The following AMMECR1 variants were observed in gnomAD, a reference collection of about 807,000 sequenced individuals.
AMMECR1 encodes AMMECR nuclear protein 1.
Under a neutral mutation model 22.5 loss-of-function variants are expected in AMMECR1, and 3 were observed. The observed-to-expected ratio is 0.13, with a 90% confidence interval of 0.06 to 0.35. The LOEUF is 0.35. Among genes scored for constraint, AMMECR1 ranks in the 10% least tolerant of loss-of-function variants. AMMECR1 has a pLI of 1.00. For synonymous variants in AMMECR1, 130 were observed against 116.7 expected (o/e 1.11, Z -0.74); for missense variants, 235 against 278.7 (o/e 0.84, Z 1.12).
chrX:110,332,235 C>T (rs757525858), intron 2 of AMMECR1, among the ~76,000 whole-genome samples: 18 of 111,878 alleles, frequency 1.6e-4, no homozygotes, highest in African/African-American at 5.8e-4. Flanking sequence ...TAATTTTTTT[C>T]ATATTCTAAA....
chrX:110,438,013 C>T (rs1313426556), intron 1 of AMMECR1, among the ~76,000 whole-genome samples: 2 of 111,540 alleles, frequency 1.8e-5, no homozygotes, highest in African/African-American at 6.5e-5. Flanking sequence ...TAGTCTCTGC[C>T]CCAATAAGTT....
rs748615992 is a variant in AMMECR1, at chrX:110,436,554, C to T, written c.-294+3336G>A. On this transcript the variant is annotated intron_variant, in intron 1 of 7. Transcript: ENST00000372057. ...CCATAAGCCTAACTAGGGATGCTTC[C>T]CACTCCTCTTTCTTGCTGAGCAGAG... Among the ~76,000 whole-genome samples the T allele has an allele frequency of 2.7e-5, 3 of 111,870 alleles. No homozygotes were observed. In the Admixed American group the frequency reaches 2.8e-4, roughly 11 times the overall value.
At chrX:110,225,470 T>C (rs922836723) in intron 2 of AMMECR1, among the ~76,000 whole-genome samples, 1 of 112,299 alleles carries the variant, frequency 8.9e-6, no homozygotes, top group African/African-American at 3.2e-5. Flanking sequence ...TTAACTGACC[T>C]ACACACAATA....
intron 1 of AMMECR1, among the ~76,000 whole-genome samples, chrX:110,312,443 C>T (rs779647336): frequency 2.7e-5 from 3 of 112,102 alleles, no homozygotes; most frequent in African/African-American, 6.5e-5. Context: ...GAGATTTCAG[C>T]AGAGATTCCT....
chrX:110,226,704 C>A (rs1019297220), intron 2 of AMMECR1, among the ~76,000 whole-genome samples: 1 of 111,924 alleles, frequency 8.9e-6, no homozygotes, highest in African/African-American at 3.3e-5. Context: ...TTTCATAGTA[C>A]CACTTTCAGA....
chrX:110,339,247 T>C (rs2068152504), intron 2 of AMMECR1, among the ~76,000 whole-genome samples: 1 of 110,801 alleles, frequency 9.0e-6, no homozygotes, highest in Non-Finnish European at 1.9e-5. Flanking sequence ...ATACTGCATG[T>C]TGCAATGCTC....
intron 2 of AMMECR1, among the ~76,000 whole-genome samples, chrX:110,240,728 A>G (rs1189201147): frequency 8.9e-6 from 1 of 112,093 alleles, no homozygotes; most frequent in Non-Finnish European, 1.9e-5. Context: ...AACGGAACCT[A>G]ATAGACATCT....
chrX:110,305,821 TA>T (rs1293422665), intron 1 of AMMECR1, among the ~76,000 whole-genome samples: 66 of 103,324 alleles, frequency 6.4e-4, no homozygotes, highest in Middle Eastern at 5.0e-3. Flanking sequence ...TACTGAAAAT[TA>T]AAAAAAAAAA....
At chrX:110,383,334 C>T (rs1358698475) in intron 2 of AMMECR1, among the ~76,000 whole-genome samples, 1 of 111,428 alleles carries the variant, frequency 9.0e-6, no homozygotes, top group Non-Finnish European at 1.9e-5. Context: ...CCTATCTTTG[C>T]TTAGCAAAAT....
intron 2 of AMMECR1, among the ~76,000 whole-genome samples, chrX:110,326,294 T>A (rs931119788): frequency 1.8e-5 from 2 of 112,336 alleles, no homozygotes; most frequent in African/African-American, 6.5e-5. Context: ...GCCTGGCCTA[T>A]AAGTTTTGAT....
chrX:110,390,580 T>G (rs1206608202), intron 2 of AMMECR1, among the ~76,000 whole-genome samples: 2 of 111,151 alleles, frequency 1.8e-5, no homozygotes, highest in Non-Finnish European at 3.8e-5. Flanking sequence ...CTACTGTAGA[T>G]CCAAAAAACA....
chrX:110,206,351 C>T (rs1367617011), intron 3 of AMMECR1, among the ~76,000 whole-genome samples: 1 of 112,181 alleles, frequency 8.9e-6, no homozygotes, highest in African/African-American at 3.2e-5. Context: ...TCATTTAAAA[C>T]TATTATCCTC....
At chrX:110,309,755 T>C (rs1390075566) in intron 1 of AMMECR1, among the ~76,000 whole-genome samples, 2 of 112,238 alleles carry the variant, frequency 1.8e-5, no homozygotes, top group Admixed American at 9.4e-5. Context: ...AGATCCAGCT[T>C]GATTCAATCT....
At chrX:110,427,068 T>C (rs1333755076) in intron 1 of AMMECR1, among the ~76,000 whole-genome samples, 1 of 112,173 alleles carries the variant, frequency 8.9e-6, no homozygotes, top group African/African-American at 3.2e-5. Context: ...GCCAAGTATA[T>C]TTCCTAAGCA....
At chrX:110,308,393 T>C (rs2148222389) in intron 1 of AMMECR1, among the ~76,000 whole-genome samples, 1 of 111,333 alleles carries the variant, frequency 9.0e-6, no homozygotes, top group Non-Finnish European at 1.9e-5. Flanking sequence ...TCGAACCACA[T>C]GTGACTCTCT....
chrX:110,230,779 C>T (rs2067560970), intron 2 of AMMECR1, among the ~76,000 whole-genome samples: 1 of 111,295 alleles, frequency 9.0e-6, no homozygotes, highest in Non-Finnish European at 1.9e-5. Flanking sequence ...AGCTAAAAAC[C>T]TTGAAAAAAG....
At chrX:110,422,643 G>T (rs1158640983) in intron 2 of AMMECR1, among the ~76,000 whole-genome samples, 2 of 112,389 alleles carry the variant, frequency 1.8e-5, no homozygotes, top group Non-Finnish European at 3.8e-5. Context: ...CAGCTACCAT[G>T]CCTGGGTATT....
intron 2 of AMMECR1, among the ~76,000 whole-genome samples, chrX:110,366,272 G>A (rs1238668517): frequency 1.8e-5 from 2 of 111,999 alleles, no homozygotes; most frequent in African/African-American, 6.5e-5. Context: ...AACAAGCAAT[G>A]TTACAAACCA....
intron 2 of AMMECR1, among the ~76,000 whole-genome samples, chrX:110,373,737 T>C (rs778307521): frequency 2.7e-5 from 3 of 111,996 alleles, no homozygotes; most frequent in Admixed American, 9.5e-5. Flanking sequence ...GGTTTCAAGA[T>C]GTAAAAAAGG....
Sources: gnomAD v4.1 joint callset for allele counts (sites outside exome capture counted in the v4.1 genomes callset) on GRCh38, gnomAD v4.1.1 for gene constraint, MANE v1.5 for transcripts, NCBI Gene and HGNC (gene_info 2026-07-23, HGNC 2026-07-21) for gene names.